PHF13: variants seen among roughly 807,000 people sequenced by gnomAD.
PHF13 encodes PHD zinc finger protein PHF5.
A neutral mutation model predicts 25.8 loss-of-function variants in PHF13; 1 was observed. The ratio of observed to expected loss-of-function variants is 0.04; its 90% CI spans 0.01 to 0.18. The LOEUF (loss-of-function observed/expected upper bound fraction) is 0.18. PHF13 is among the 10% of genes least tolerant of loss of function. The pLI is 1.00. For missense variants in PHF13, 306 were observed against 403.2 expected, an observed-to-expected ratio of 0.76 and a Z score of 2.06; for synonymous variants, 195 against 162.4, an observed-to-expected ratio of 1.20 and a Z score of -1.53.
intron 3 of PHF13, among the ~76,000 whole-genome samples, chr1:6,620,676 A>G (rs1570229448): frequency 6.6e-6 from 1 of 152,246 alleles, no homozygotes; most frequent in Non-Finnish European, 1.5e-5. Flanking sequence ...GCTTGAGCTC[A>G]GGAGTTGGAG....
Position 6,616,757 on chromosome 1 carries a change from GAAT to G in PHF13, c.42_44del (p.Glu14_Tyr15delinsAsp). The G allele has an allele frequency of 1.2e-6, 2 of 1,613,148 alleles. No individual in the cohort carries two copies. Among genetic ancestry groups the G allele is most frequent in the Non-Finnish European group, 1.7e-6 (2 of 1,179,162 alleles). On this transcript the variant is annotated inframe_deletion and splice_region_variant, in exon 2 of 4. Coordinates refer to ENST00000377648, the MANE Select transcript of PHF13 (RefSeq NM_153812.3). Reference sequence around the variant, plus strand: ...ATTCCCTTTTCTCTCCCCTTAATAGGAATACTCCCCCAGTTGCAAGAGGCGCAG... The same window carrying G: ...ATTCCCTTTTCTCTCCCCTTAATAGGACTCCCCCAGTTGCAAGAGGCGCAG...
intron 2 of PHF13, among the ~76,000 whole-genome samples, chr1:6,618,883 G>A (rs1202225310): frequency 6.6e-6 from 1 of 152,048 alleles, no homozygotes; most frequent in Non-Finnish European, 1.5e-5. Context: ...CTGAGCTCAG[G>A]TGATCTACCC....
At position 6,614,032 on chromosome 1, in the gene PHF13, C is replaced by T. The variant is rs1336032437; in HGVS notation, c.-35C>T. On this transcript the variant is annotated 5_prime_UTR_variant, in exon 1 of 4. Coordinates refer to ENST00000377648, the MANE Select transcript of PHF13 (RefSeq NM_153812.3). ...CCCCGCTCCAGCATCCCAGCTCCTG[C>T]ACTCTCGCAGCCGCCGCCGCCCCCC... is the stretch of plus-strand genomic sequence containing the variant. 1.9e-6 allele frequency: 3 copies of T among 1,563,014 alleles called. No homozygotes were observed. The highest frequency in any genetic ancestry group is 1.7e-5 in the Admixed American group (1 of 57,416).
Position 6,621,665 on chromosome 1 carries a change from G to A in PHF13, c.*28G>A, listed in dbSNP as rs1394218880. ...GCTGGCTGGCGAGGAGGCTGCGAGC[G>A]TGGAATCGGAAGCGACCGCGGGCTT... On this transcript the variant is annotated 3_prime_UTR_variant, in exon 4 of 4. Coordinates refer to ENST00000377648, the MANE Select transcript of PHF13 (RefSeq NM_153812.3). This position sits in a 1 kb window ranked among gnomAD's most constrained non-coding sequence, Gnocchi z 4.8. 3 of 1,609,000 alleles carry A rather than the reference G, an allele frequency of 1.9e-6. No homozygotes were observed. The highest frequency in any genetic ancestry group is 1.3e-5 in the African/African-American group (1 of 74,976).
Position 6,613,986 on chromosome 1 carries a change from C to G in PHF13, c.-81C>G, listed in dbSNP as rs1641210372. 4.8e-6 allele frequency: 5 copies of G among 1,048,168 alleles called. No individual in the cohort carries two copies. The highest frequency in any genetic ancestry group is 2.8e-5 in the South Asian group (2 of 71,454). 64.9% of individuals were successfully genotyped at this position (1,048,168 alleles called of 1,614,324 possible). The stretch of plus-strand genomic sequence containing the variant: ...TCCGCCCTCGCCCTGCGCAGCCGCC[C>G]GAGCCCCCAGCCCCGGGCGGCCCCG... On this transcript the variant is annotated 5_prime_UTR_variant, in exon 1 of 4. Transcript: ENST00000377648.
chr1:6,620,069 G>T lies in PHF13; in HGVS notation c.408G>T (p.Arg136Ser), dbSNP rs570764202. 6 of 1,613,362 alleles carry T rather than the reference G, an allele frequency of 3.7e-6. No individual in the cohort carries two copies. In the East Asian group the frequency reaches 6.7e-5, roughly 18 times the overall value. Residue 136 changes from arginine to serine, a missense_variant, in exon 3 of 4, where the codon AGG becomes AGT. This residue lies in a region of PHF13 where 186 missense variants were observed against 164.0 expected (regional missense o/e 1.13). Transcript: ENST00000377648. ...DSDAPGKEGY[R>S]GGLLKLEAAD... ...ATGCGCCTGGGAAAGAGGGGTACAGGGGGGGCTTGCTGAAGCTGGAAGCCG... is the reference window on the plus strand; with the variant it reads ...ATGCGCCTGGGAAAGAGGGGTACAGTGGGGGCTTGCTGAAGCTGGAAGCCG...
rs34391010 is a variant in PHF13, at chr1:6,621,032, G to GAAA, written c.677-367_677-365dup. ...GGGCGACAGCAAAACTCCGTCTCAA[G>GAAA]AAAAAAAAAAAAAACAATAGTCGAG... is the stretch of plus-strand genomic sequence containing the variant. On this transcript the variant is annotated intron_variant, in intron 3 of 3. Transcript: ENST00000377648. The surrounding 1 kb of genome is among the most constrained non-coding windows in gnomAD (Gnocchi z 4.8). Among the ~76,000 whole-genome samples, 4 of 136,484 alleles carry GAAA rather than the reference G, an allele frequency of 2.9e-5. No individual in the cohort carries two copies. Among genetic ancestry groups the GAAA allele is most frequent in the South Asian group, 2.3e-4 (1 of 4,278 alleles). 89.5% of individuals were successfully genotyped at this position (136,484 alleles called of 152,430 possible).
intron 3 of PHF13, 104 bp downstream of exon 3, chr1:6,620,441 C>T (rs983077069): frequency 1.1e-4 from 142 of 1,310,264 alleles, no homozygotes; most frequent in Non-Finnish European, 1.4e-4. Context: ...TGGTGCCTTC[C>T]GTAGAGTGTG....
chr1:6,615,998 C>T (rs1311980169), intron 1 of PHF13, among the ~76,000 whole-genome samples: 1 of 148,202 alleles, frequency 6.7e-6, no homozygotes, highest in African/African-American at 2.5e-5. Context: ...GTCCAGGTCT[C>T]CGAGAGCTCT....
At chr1:6,617,914 G>T (rs1641284366) in intron 2 of PHF13, among the ~76,000 whole-genome samples, 2 of 152,148 alleles carry the variant, frequency 1.3e-5, no homozygotes, top group Non-Finnish European at 1.5e-5. Context: ...GTGGAGCTTG[G>T]GGTTCAACCA....
Position 6,622,788 on chromosome 1 carries a change from C to G in PHF13, c.*1151C>G, listed in dbSNP as rs983888769. On this transcript the variant is annotated 3_prime_UTR_variant, in exon 4 of 4. Transcript: ENST00000377648. ...GAGTTCCTTAAATCTCAGCTGGGAT[C>G]CTGGACCTGGGAGGCCCCTGTGAGG... 6.6e-6 allele frequency: 1 copy of G among 152,152 alleles called. No individual in the cohort carries two copies. Among genetic ancestry groups the G allele is most frequent in the Non-Finnish European group, 1.5e-5 (1 of 68,048 alleles). 9.4% of individuals were successfully genotyped at this position (152,152 alleles called of 1,614,324 possible).
intron 1 of PHF13, chr1:6,614,475 T>G: frequency 4.8e-6 from 1 of 209,196 alleles, no homozygotes; most frequent in Non-Finnish European, 9.4e-6. Flanking sequence ...GGGGACGCGG[T>G]CCGAGCCGCC....
intron 2 of PHF13, among the ~76,000 whole-genome samples, chr1:6,619,382 C>T (rs1641305904): frequency 6.6e-6 from 1 of 152,078 alleles, no homozygotes; most frequent in South Asian, 2.1e-4. Flanking sequence ...CAGAATCTCC[C>T]TCCCGTTACC....
chr1:6,621,909 A>C lies in PHF13; in HGVS notation c.*272A>C. On this transcript the variant is annotated 3_prime_UTR_variant, in exon 4 of 4. Transcript: ENST00000377648. This position sits in a 1 kb window ranked among gnomAD's most constrained non-coding sequence, Gnocchi z 4.8. The stretch of plus-strand genomic sequence containing the variant: ...ACGTGCAGCGGGTTTGGCTCATTTG[A>C]AAATGAGGGTCCGTGGTAGCTGTGC... The C allele has an allele frequency of 3.8e-6, 2 of 520,738 alleles. No individual in the cohort carries two copies. Among genetic ancestry groups the C allele is most frequent in the South Asian group, 4.2e-5 (2 of 47,372 alleles). 32.3% of individuals were successfully genotyped at this position (520,738 alleles called of 1,614,324 possible).
At chr1:6,619,387 G>A (rs569571778) in intron 2 of PHF13, among the ~76,000 whole-genome samples, 19 of 151,432 alleles carry the variant, frequency 1.3e-4, no homozygotes, top group Admixed American at 6.6e-4. Context: ...TCTCCCTCCC[G>A]TTACCAAGGC....
rs144038785 is a variant in PHF13 at position 6,618,267 on chromosome 1, T to C, written c.141+1409T>C. 4.6e-3 allele frequency among the ~76,000 whole-genome samples: 707 copies of C among 152,274 alleles called. 4 individuals are homozygous for C. Among genetic ancestry groups the C allele is most frequent in the African/African-American group, 0.016 (656 of 41,546 alleles). On this transcript the variant is annotated intron_variant, in intron 2 of 3. Transcript: ENST00000377648. ...CTCCCACCTCAGCCTTCCAAGTAGC[T>C]GGGACTACAGGCCCACCACCACACC...
intron 3 of PHF13, 93 bp downstream of exon 3, chr1:6,620,430 C>G: frequency 1.4e-6 from 2 of 1,402,674 alleles, no homozygotes; most frequent in Non-Finnish European, 1.9e-6. Context: ...GGCACAGGGT[C>G]TGGTGCCTTC....
chr1:6,614,543 C>T (rs546740773), intron 1 of PHF13: 202 of 159,942 alleles, frequency 1.3e-3, no homozygotes, highest in African/African-American at 4.7e-3. Context: ...GGACCGGGGT[C>T]GGCTCCCGAG....
chr1:6,614,223 C>T (rs573579095), intron 1 of PHF13, 118 bp downstream of exon 1: 29 of 798,736 alleles, frequency 3.6e-5, no homozygotes, highest in East Asian at 1.5e-4. Flanking sequence ...CCGCTTTCCC[C>T]TCGTCGGCCC....
Sources: allele counts gnomAD v4.1 joint callset (sites outside exome capture counted in the v4.1 genomes callset), GRCh38; gene constraint gnomAD v4.1.1; regional missense constraint gnomAD v4.1.1; non-coding constraint Gnocchi (gnomAD v3.1); transcripts MANE v1.5; gene names NCBI Gene and HGNC (gene_info 2026-07-23, HGNC 2026-07-21).